GRIA1: variants seen among roughly 807,000 people sequenced by gnomAD.
The protein encoded by GRIA1 is glutamate receptor 1.
Under a neutral mutation model 99.2 loss-of-function variants are expected in GRIA1, and 31 were observed. The observed-to-expected ratio is 0.31, with a 90% CI of 0.23 to 0.42. The LOEUF is 0.42. Among genes scored for constraint, GRIA1 ranks in the 10% least tolerant of loss-of-function variants. The pLI is 1.00. For synonymous variants in GRIA1, 438 were observed against 432.4 expected (o/e 1.01, Z -0.16); for missense variants, 782 against 1,157.5 (o/e 0.68, Z 4.71).
intron 2 of GRIA1, among the ~76,000 whole-genome samples, chr5:153,607,147 G>A (rs11951518): frequency 9.4e-4 from 141 of 150,016 alleles, no homozygotes; most frequent in African/African-American, 2.9e-3. Flanking sequence ...AAATTGTGCC[G>A]CTATAAACAT....
At chr5:153,526,387 T>C (rs1382768749) in intron 2 of GRIA1, among the ~76,000 whole-genome samples, 2 of 152,222 alleles carry the variant, frequency 1.3e-5, no homozygotes, top group Non-Finnish European at 2.9e-5. Flanking sequence ...AAAGGACTCA[T>C]ATTCTAAGCT....
chr5:153,810,496 G>A lies in GRIA1; in HGVS notation c.2521-529G>A, dbSNP rs569644968. Among the ~76,000 whole-genome samples, 24 of 152,282 alleles carry A rather than the reference G, an allele frequency of 1.6e-4. 1 individual carries two copies. In the East Asian group the frequency reaches 3.9e-3, roughly 24 times the overall value. On this transcript the variant is annotated intron_variant, in intron 15 of 15. Coordinates refer to ENST00000285900, the MANE Select transcript of GRIA1 (RefSeq NM_000827.4). ...CCTCAATTTATTTGAACATTTCAAA[G>A]CATTTTTCATGCGGTAGCACCATTC...
At chr5:153,630,349 G>A (rs1391115915) in intron 2 of GRIA1, among the ~76,000 whole-genome samples, 1 of 152,024 alleles carries the variant, frequency 6.6e-6, no homozygotes, top group Non-Finnish European at 1.5e-5. Context: ...TCTTAGATAT[G>A]TGAGGGAGAT....
chr5:153,643,348 A>G (rs1307156822), intron 2 of GRIA1, among the ~76,000 whole-genome samples: 3 of 152,224 alleles, frequency 2.0e-5, no homozygotes, highest in Admixed American at 6.5e-5. Flanking sequence ...CTCTGTAATG[A>G]TAAAACCAAA....
intron 5 of GRIA1, among the ~76,000 whole-genome samples, chr5:153,672,122 C>A (rs1756229840): frequency 6.6e-6 from 1 of 152,186 alleles, no homozygotes; most frequent in South Asian, 2.1e-4. Context: ...ACACTGCAGG[C>A]TACTGAAGGA....
chr5:153,609,651 C>T (rs1336015295), intron 2 of GRIA1, among the ~76,000 whole-genome samples: 1 of 147,618 alleles, frequency 6.8e-6, no homozygotes, highest in East Asian at 2.0e-4. Context: ...GCAGGCTCCA[C>T]CTTCCGGGTT....
intron 14 of GRIA1, among the ~76,000 whole-genome samples, chr5:153,799,787 G>C (rs559710088): frequency 5.9e-5 from 9 of 152,062 alleles, no homozygotes; most frequent in African/African-American, 2.2e-4. Context: ...TCCCTGGGCC[G>C]GAGACCTTCT....
At chr5:153,620,450 G>A (rs1766930656) in intron 2 of GRIA1, among the ~76,000 whole-genome samples, 1 of 152,144 alleles carries the variant, frequency 6.6e-6, no homozygotes, top group Non-Finnish European at 1.5e-5. Context: ...AACCTGAGGT[G>A]GAGCCTATAG....
chr5:153,603,624 G>A (rs955849003), intron 2 of GRIA1, among the ~76,000 whole-genome samples: 17 of 152,110 alleles, frequency 1.1e-4, no homozygotes, highest in African/African-American at 1.9e-4. Context: ...TGTAAATATC[G>A]ACATCTCTGC....
chr5:153,585,739 C>A (rs1763430242), intron 2 of GRIA1, among the ~76,000 whole-genome samples: 1 of 152,150 alleles, frequency 6.6e-6, no homozygotes, highest in African/African-American at 2.4e-5. Context: ...TCTTCCCGTC[C>A]TCATTTCTGG....
At chr5:153,506,910 G>C (rs1044424705) in intron 2 of GRIA1, among the ~76,000 whole-genome samples, 1 of 152,172 alleles carries the variant, frequency 6.6e-6, no homozygotes, top group South Asian at 2.1e-4. Context: ...ATCACTTGAG[G>C]CCAGGAGTTC....
rs567051148 is a variant in GRIA1 at position 153,687,193 on chromosome 5, T to C, written c.1134+864T>C. On this transcript the variant is annotated intron_variant, in intron 8 of 15. Coordinates refer to ENST00000285900, the MANE Select transcript of GRIA1 (RefSeq NM_000827.4). ...GGCCTTCATCACATTGCTAATTCCATTTGGTGGCGTAGCATAATGACTGGG... is the reference window on the plus strand; with the variant it reads ...GGCCTTCATCACATTGCTAATTCCACTTGGTGGCGTAGCATAATGACTGGG... 3.3e-5 allele frequency among the ~76,000 whole-genome samples: 5 copies of C among 152,268 alleles called. No homozygotes were observed. The South Asian group carries it at 8.3e-4, about 25-fold the overall frequency.
At chr5:153,660,632 C>T (rs536356685) in intron 5 of GRIA1, among the ~76,000 whole-genome samples, 1 of 152,262 alleles carries the variant, frequency 6.6e-6, no homozygotes, top group South Asian at 2.1e-4. Context: ...CCCAGGCTCT[C>T]AAATTCCCAT....
chr5:153,701,554 G>A (rs1242709826), intron 10 of GRIA1, among the ~76,000 whole-genome samples: 2 of 140,344 alleles, frequency 1.4e-5, no homozygotes, highest in Non-Finnish European at 3.0e-5. Context: ...CTGGGAGGCG[G>A]AGCTTGCAAT....
chr5:153,637,704 C>T (rs906838765), intron 2 of GRIA1, among the ~76,000 whole-genome samples: 3 of 152,112 alleles, frequency 2.0e-5, no homozygotes, highest in Non-Finnish European at 4.4e-5. Flanking sequence ...AGTGCCAGCC[C>T]AAGAGCACAG....
chr5:153,776,817 G>A (rs1208736958), intron 13 of GRIA1, among the ~76,000 whole-genome samples: 1 of 152,176 alleles, frequency 6.6e-6, no homozygotes, highest in African/African-American at 2.4e-5. Flanking sequence ...TTCAGGGACT[G>A]AGGGTTTCCT....
intron 13 of GRIA1, among the ~76,000 whole-genome samples, chr5:153,793,145 C>A (rs899759824): frequency 6.6e-6 from 1 of 152,100 alleles, no homozygotes; most frequent in African/African-American, 2.4e-5. Flanking sequence ...CACCAAATAG[C>A]CAAGGTTCAG....
At chr5:153,755,502 T>C (rs1206595196) in intron 11 of GRIA1, 1 of 152,068 alleles carries the variant, frequency 6.6e-6, no homozygotes, top group African/African-American at 2.4e-5. Context: ...CCACACTAAA[T>C]TTGGAATCAA....
chr5:153,521,082 A>T (rs1481109258), intron 2 of GRIA1, among the ~76,000 whole-genome samples: 1 of 152,220 alleles, frequency 6.6e-6, no homozygotes, highest in African/African-American at 2.4e-5. Context: ...AAACTCTGCG[A>T]GTCATGCTGA....
Sources: gnomAD v4.1 joint callset for allele counts (sites outside exome capture counted in the v4.1 genomes callset) on GRCh38, gnomAD v4.1.1 for gene constraint, MANE v1.5 for transcripts, NCBI Gene and HGNC (gene_info 2026-07-23, HGNC 2026-07-21) for gene names.